Variants in ROCK1 observed in about 807,000 individuals in gnomAD.
The protein encoded by ROCK1 is Rho associated coiled-coil containing protein kinase 1.
Under a neutral mutation model 196.8 loss-of-function variants are expected in ROCK1, and 36 were observed. That is an observed-to-expected ratio of 0.18 (90% CI 0.14 to 0.24). The LOEUF (loss-of-function observed/expected upper bound fraction) is 0.24, where lower values mean the gene tolerates loss of function less well. ROCK1 is among the 10% of genes least tolerant of loss of function. The probability of loss-of-function intolerance (pLI) is 1.00; values close to 1 mark genes in which losing one functional copy is unlikely to be tolerated. For synonymous variants in ROCK1, 443 were observed against 515.9 expected (o/e 0.86, Z 1.91); for missense variants, 920 against 1,562.0 (o/e 0.59, Z 6.93).
chr18:21,081,622 C>G (rs1248480752), intron 1 of ROCK1, among the ~76,000 whole-genome samples: 1 of 152,020 alleles, frequency 6.6e-6, no homozygotes, highest in African/African-American at 2.4e-5. Context: ...TTTGGTTAAG[C>G]TGACTAAGGG....
At chr18:21,108,947 A>AATATT (rs1448520745) in intron 1 of ROCK1, among the ~76,000 whole-genome samples, 1 of 152,136 alleles carries the variant, frequency 6.6e-6, no homozygotes, top group African/African-American at 2.4e-5. Flanking sequence ...ATTTCCTTCC[A>AATATT]ACCTTATCTT....
At chr18:21,047,408 CAAAGAATT>C (rs1211203045) in intron 4 of ROCK1, among the ~76,000 whole-genome samples, 1 of 152,118 alleles carries the variant, frequency 6.6e-6, no homozygotes, top group African/African-American at 2.4e-5. Flanking sequence ...CCCCCAACAA[CAAAGAATT>C]ATCTGGCCCA....
intron 29 of ROCK1, among the ~76,000 whole-genome samples, chr18:20,958,822 T>A (rs1418011079): frequency 7.1e-6 from 1 of 141,362 alleles, no homozygotes; most frequent in Non-Finnish European, 1.5e-5. Flanking sequence ...GTTGTTATAC[T>A]GTATTTTTTA....
chr18:21,093,077 C>T (rs2036584462), intron 1 of ROCK1, among the ~76,000 whole-genome samples: 2 of 152,176 alleles, frequency 1.3e-5, no homozygotes, highest in South Asian at 4.1e-4. Flanking sequence ...TGCTCATCAG[C>T]ACACCATTAT....
chr18:21,035,190 C>T (rs888858756), intron 9 of ROCK1, among the ~76,000 whole-genome samples: 4 of 152,148 alleles, frequency 2.6e-5, no homozygotes, highest in Non-Finnish European at 4.4e-5. Context: ...TGTGCACTGC[C>T]GTTGGGAATG....
At chr18:21,028,005 C>G (rs1202263147) in intron 10 of ROCK1, among the ~76,000 whole-genome samples, 7 of 146,920 alleles carry the variant, frequency 4.8e-5, no homozygotes, top group African/African-American at 1.7e-4. Context: ...TCGTGATCCG[C>G]CCGCCTCGGC....
chr18:20,954,041 T>G (rs549043747), intron 31 of ROCK1, among the ~76,000 whole-genome samples: 59 of 151,316 alleles, frequency 3.9e-4, no homozygotes, highest in African/African-American at 1.3e-3. Flanking sequence ...CATAAGCTTC[T>G]TATCTGAAAA....
intron 1 of ROCK1, among the ~76,000 whole-genome samples, 176 bp from the exon 2 acceptor site, chr18:21,070,789 A>G (rs1199919314): frequency 6.6e-6 from 1 of 152,236 alleles, no homozygotes; most frequent in Non-Finnish European, 1.5e-5. Context: ...TTCATTTCAT[A>G]TGCAGTTCTT....
intron 12 of ROCK1, among the ~76,000 whole-genome samples, chr18:21,019,136 T>A (rs1324988217): frequency 6.6e-6 from 1 of 152,200 alleles, no homozygotes; most frequent in Non-Finnish European, 1.5e-5. Flanking sequence ...CCTGATTTAA[T>A]GTAAACTAAT....
rs1349377272 is a variant in ROCK1 at position 21,078,907 on chromosome 18, T to G, written c.94-8294A>C. Among the ~76,000 whole-genome samples, 3 of 152,202 alleles carry G rather than the reference T, an allele frequency of 2.0e-5. No individual in the cohort carries two copies. In the East Asian group the frequency reaches 5.8e-4, roughly 29 times the overall value. The stretch of plus-strand genomic sequence containing the variant: ...CTAGGGTGCTATCTGGTTCTACTGC[T>G]TGCTTCTGTAGCTTTCTTCTAATAT... On this transcript the variant is annotated intron_variant, in intron 1 of 32. Coordinates refer to ENST00000399799, the MANE Select transcript of ROCK1 (RefSeq NM_005406.3).
intron 1 of ROCK1, among the ~76,000 whole-genome samples, chr18:21,077,742 G>A (rs2036446234): frequency 1.3e-5 from 2 of 152,172 alleles, no homozygotes; most frequent in South Asian, 2.1e-4. Flanking sequence ...TCTCATGTGA[G>A]TTTCATCCTG....
intron 20 of ROCK1, 84 bp from the exon 21 acceptor site, chr18:20,982,916 T>C (rs2035546326): frequency 3.1e-6 from 2 of 641,686 alleles, no homozygotes; most frequent in South Asian, 3.8e-5. Flanking sequence ...AAGTTGCTAA[T>C]ATAAAAAAGT....
chr18:21,033,956 C>A (rs1400978531), intron 9 of ROCK1, among the ~76,000 whole-genome samples: 1 of 143,394 alleles, frequency 7.0e-6, no homozygotes. Flanking sequence ...ATGGCATGAA[C>A]CCTGGAGGCG....
chr18:21,027,146 C>T (rs1220716725), intron 10 of ROCK1, among the ~76,000 whole-genome samples: 4 of 152,100 alleles, frequency 2.6e-5, no homozygotes. Flanking sequence ...ACCACATTGG[C>T]CAGGCTAGTC....
In ROCK1 at chr18:20,947,070, T is replaced by G. The variant is rs1354976183; in HGVS notation, c.*4314A>C. Reference sequence around the variant, plus strand: ...TTGAATCTCCAACATCTCAAATACTTTATGGGAAACAGTATAGCTTGGGAG... The same window carrying G: ...TTGAATCTCCAACATCTCAAATACTGTATGGGAAACAGTATAGCTTGGGAG... On this transcript the variant is annotated 3_prime_UTR_variant, in exon 33 of 33. Transcript: ENST00000399799. The G allele has an allele frequency of 6.6e-6, 1 of 152,236 alleles. No individual in the cohort carries two copies. The highest frequency in any genetic ancestry group is 1.5e-5 in the Non-Finnish European group (1 of 68,042). The allele number at this position is 152,236 out of a possible 1,614,324, so 9.4% of individuals were successfully genotyped here. A position where few individuals can be genotyped will look rare whatever the true frequency, so the allele number is the denominator to read the frequency against.
chr18:21,080,351 T>C (rs1277128825), intron 1 of ROCK1, among the ~76,000 whole-genome samples: 1 of 152,070 alleles, frequency 6.6e-6, no homozygotes, highest in East Asian at 1.9e-4. Context: ...AAAACTGTCT[T>C]AAATATGTTC....
intron 2 of ROCK1, among the ~76,000 whole-genome samples, chr18:21,051,116 A>G (rs983264611): frequency 6.6e-6 from 1 of 152,164 alleles, no homozygotes; most frequent in Non-Finnish European, 1.5e-5. Context: ...AAAAAAGTCT[A>G]AACTGAATAG....
rs181414265 is a variant in ROCK1, at chr18:20,973,880, A to G, written c.2655-3367T>C. Among the ~76,000 whole-genome samples, 398 of 148,284 alleles carry G rather than the reference A, an allele frequency of 2.7e-3. 2 individuals are homozygous for G. The highest frequency in any genetic ancestry group is 9.6e-3 in the African/African-American group (385 of 40,030). ...TGTGATCTCGGCTCCTCCCGGGTTC[A>G]CGCCATTCTCCTGCCTCAGCCTCCC... On this transcript the variant is annotated intron_variant, in intron 22 of 32. Coordinates refer to ENST00000399799, the MANE Select transcript of ROCK1 (RefSeq NM_005406.3).
chr18:20,953,912 A>G, intron 31 of ROCK1, 127 bp from the exon 32 acceptor site: 1 of 540,450 alleles, frequency 1.9e-6, no homozygotes, highest in East Asian at 3.4e-5. Flanking sequence ...TTAAGCATGA[A>G]CAATATCTCA....
Sources: gnomAD v4.1 joint callset for allele counts (sites outside exome capture counted in the v4.1 genomes callset) on GRCh38, gnomAD v4.1.1 for gene constraint, MANE v1.5 for transcripts, NCBI Gene and HGNC (gene_info 2026-07-23, HGNC 2026-07-21) for gene names.